Variants in ESRRG observed in about 807,000 individuals in gnomAD.
ESRRG encodes the protein estrogen-related receptor gamma.
ESRRG carries 13 observed loss-of-function variants against 44.0 expected under a neutral mutation model. The observed-to-expected ratio is 0.30, with a 90% CI of 0.19 to 0.47. The LOEUF (loss-of-function observed/expected upper bound fraction) is 0.47. Among genes scored for constraint, ESRRG ranks in the 20% least tolerant of loss-of-function variants. The pLI is 1.00. For missense variants in ESRRG, 395 were observed against 580.6 expected (o/e 0.68, Z 3.29); for synonymous variants, 215 against 214.6 (o/e 1.00, Z -0.02).
At chr1:216,589,087 A>G (rs891917250) in intron 3 of ESRRG, among the ~76,000 whole-genome samples, 4 of 152,236 alleles carry the variant, frequency 2.6e-5, no homozygotes, top group Non-Finnish European at 5.9e-5. Flanking sequence ...AAGAAAGATA[A>G]GAAGTATGGT....
At chr1:216,795,759 C>T (rs2148187171) in intron 2 of ESRRG, among the ~76,000 whole-genome samples, 1 of 152,130 alleles carries the variant, frequency 6.6e-6, no homozygotes, top group East Asian at 1.9e-4. Flanking sequence ...TGTCTCCTTC[C>T]TCTCAGGAAT....
chr1:217,019,778 T>A (rs1481903166), intron 1 of ESRRG, among the ~76,000 whole-genome samples: 1 of 152,236 alleles, frequency 6.6e-6, no homozygotes, highest in Non-Finnish European at 1.5e-5. Context: ...CTCTGTCTTA[T>A]CTTATTCATC....
intron 1 of ESRRG, among the ~76,000 whole-genome samples, chr1:216,978,974 T>C (rs11572458): frequency 1.3e-3 from 195 of 152,296 alleles, no homozygotes; most frequent in Admixed American, 2.1e-3. Context: ...CTGGGACCTC[T>C]TCTCTTTCAC....
chr1:216,661,973 C>T (rs1162833062), intron 2 of ESRRG, among the ~76,000 whole-genome samples: 1 of 152,066 alleles, frequency 6.6e-6, no homozygotes, highest in Non-Finnish European at 1.5e-5. Flanking sequence ...TGGAGCAGCT[C>T]TTAAATTTGG....
upstream of ESRRG, among the ~76,000 whole-genome samples, chr1:217,094,039 T>C (rs992979196): frequency 2.6e-5 from 4 of 151,992 alleles, no homozygotes; most frequent in East Asian, 7.8e-4. Context: ...CGTGCCACCA[T>C]GCCCAGCTAT....
chr1:216,511,547 T>TCACACACACACACGCACACACACACA (rs2042717729), intron 6 of ESRRG, among the ~76,000 whole-genome samples: 1 of 144,828 alleles, frequency 6.9e-6, no homozygotes, highest in African/African-American at 2.5e-5. Context: ...ATACATAAAT[T>TCACACACACACACGCACACACACACA]CACACACACA....
chr1:216,791,573 C>G (rs777737654), intron 2 of ESRRG, among the ~76,000 whole-genome samples: 12 of 152,116 alleles, frequency 7.9e-5, no homozygotes, highest in Non-Finnish European at 1.5e-4. Flanking sequence ...TTCTCAGACA[C>G]ATGCCCTTCA....
intron 5 of ESRRG, among the ~76,000 whole-genome samples, chr1:216,562,594 A>G (rs1047095099): frequency 1.3e-5 from 2 of 152,222 alleles, no homozygotes; most frequent in East Asian, 1.9e-4. Flanking sequence ...TCTAGTGGGT[A>G]GAGGCCATGG....
At position 217,120,135 on chromosome 1, in the gene ESRRG, G is replaced by A. The variant is rs184328289; in HGVS notation, c.-230+17532C>T. ...GATGCCTCCTCTTAGATTTCTCCAA[G>A]GCACCCCACATTTAAACTCTCTCCA... On this transcript the variant is annotated intron_variant, in intron 1 of 8. Transcript: ENST00000366940. Among the ~76,000 whole-genome samples the A allele has an allele frequency of 5.3e-5, 8 of 152,192 alleles. No individual in the cohort carries two copies. In the East Asian group the frequency reaches 1.5e-3, roughly 29 times the overall value.
chr1:217,073,311 A>C (rs923936123), intron 1 of ESRRG, among the ~76,000 whole-genome samples: 1 of 151,586 alleles, frequency 6.6e-6, no homozygotes, highest in African/African-American at 2.4e-5. Context: ...AGAATCTCTT[A>C]ACTGCTTTGA....
chr1:217,023,787 A>T (rs1340940533), intron 1 of ESRRG, among the ~76,000 whole-genome samples: 1 of 152,078 alleles, frequency 6.6e-6, no homozygotes, highest in Non-Finnish European at 1.5e-5. Flanking sequence ...ATGGGAAAGG[A>T]GAGTATTTAC....
At chr1:216,744,173 C>T (rs992462898) in intron 2 of ESRRG, among the ~76,000 whole-genome samples, 1 of 152,136 alleles carries the variant, frequency 6.6e-6, no homozygotes, top group Non-Finnish European at 1.5e-5. Flanking sequence ...GTAAGAAATA[C>T]ATTGTCCGTT....
intron 1 of ESRRG, among the ~76,000 whole-genome samples, chr1:217,083,343 A>G (rs1386192717): frequency 6.6e-6 from 1 of 152,222 alleles, no homozygotes; most frequent in Non-Finnish European, 1.5e-5. Flanking sequence ...CGGTATACTA[A>G]TATTTCTAGT....
chr1:217,115,106 C>T (rs17045282), intron 1 of ESRRG, among the ~76,000 whole-genome samples: 11,117 of 152,228 alleles, frequency 0.073, 492 homozygotes, highest in East Asian at 0.22. Context: ...TTTAAAAATT[C>T]CTTCTCTCAT....
chr1:216,601,907 CCATT>C (rs1434670781), intron 3 of ESRRG, among the ~76,000 whole-genome samples: 1 of 152,122 alleles, frequency 6.6e-6, no homozygotes, highest in Non-Finnish European at 1.5e-5. Context: ...ACACTGAAAT[CCATT>C]CAAAGCCCTA....
chr1:216,586,099 C>A (rs538798633), intron 3 of ESRRG, among the ~76,000 whole-genome samples: 1 of 152,142 alleles, frequency 6.6e-6, no homozygotes, highest in Non-Finnish European at 1.5e-5. Context: ...AACAATATCC[C>A]ACTTTTCATA....
chr1:216,931,835 C>CAAAAA (rs56050369), intron 2 of ESRRG, among the ~76,000 whole-genome samples: 9,564 of 130,210 alleles, frequency 0.073, 376 homozygotes, highest in East Asian at 0.13. Context: ...TGAGAAACCA[C>CAAAAA]AAAAAAAAAA....
intron 1 of ESRRG, among the ~76,000 whole-genome samples, chr1:217,089,196 T>G (rs1014097641): frequency 1.4e-4 from 22 of 151,918 alleles, no homozygotes; most frequent in African/African-American, 5.3e-4. Flanking sequence ...CACTGAAGTC[T>G]CTATCCAGGA....
At chr1:216,724,197 G>A (rs1382202178), upstream of ESRRG, among the ~76,000 whole-genome samples, 2 of 151,996 alleles carry the variant, frequency 1.3e-5, no homozygotes, top group African/African-American at 2.4e-5. Flanking sequence ...CTATACCTGC[G>A]ACTGTCTCTT....
Sources: gnomAD v4.1 joint callset for allele counts (sites outside exome capture counted in the v4.1 genomes callset) on GRCh38, gnomAD v4.1.1 for gene constraint, MANE v1.5 for transcripts, NCBI Gene and HGNC (gene_info 2026-07-23, HGNC 2026-07-21) for gene names.